LPIN2: variants seen among roughly 807,000 people sequenced by gnomAD.
The protein encoded by LPIN2 is phosphatidate phosphatase LPIN2.
LPIN2 carries 55 observed loss-of-function variants against 111.4 expected under a neutral mutation model. That is an observed-to-expected ratio of 0.49 (90% CI 0.40 to 0.62). The LOEUF is 0.62. Among genes scored for constraint, LPIN2 ranks in the 20% least tolerant of loss-of-function variants. LPIN2 has a pLI of 0.00. For synonymous variants in LPIN2, 425 were observed against 414.0 expected, an observed-to-expected ratio of 1.03 and a Z score of -0.32; for missense variants, 992 against 1,112.1, an observed-to-expected ratio of 0.89 and a Z score of 1.54.
intron 7 of LPIN2, 65 bp downstream of exon 7, chr18:2,937,627 G>A: frequency 2.3e-6 from 3 of 1,326,298 alleles, no homozygotes; most frequent in Non-Finnish European, 3.2e-6. Context: ...CACGTTATGT[G>A]GAACACTGAA....
At chr18:2,969,231 T>C (rs2077863149) in intron 1 of LPIN2, among the ~76,000 whole-genome samples, 1 of 152,242 alleles carries the variant, frequency 6.6e-6, no homozygotes, top group African/African-American at 2.4e-5. Context: ...AAGTAAGAGC[T>C]CTTGCTACTT....
At chr18:2,978,537 A>G (rs11665524) in intron 1 of LPIN2, among the ~76,000 whole-genome samples, 18,366 of 152,304 alleles carry the variant, frequency 0.12, 1,272 homozygotes, top group South Asian at 0.17. Context: ...GGTCATGAGA[A>G]GCAAAGACTA....
At chr18:2,967,901 A>G (rs1267932871) in intron 1 of LPIN2, among the ~76,000 whole-genome samples, 1 of 152,154 alleles carries the variant, frequency 6.6e-6, no homozygotes, top group Non-Finnish European at 1.5e-5. Context: ...AATAGAAAAT[A>G]GCAGCCGCAC....
At chr18:2,945,894 A>G in intron 4 of LPIN2, 2 of 1,429,234 alleles carry the variant, frequency 1.4e-6, no homozygotes, top group Non-Finnish European at 2.0e-6. Context: ...TTTAGTCCAC[A>G]TGTTTCTCTT....
At chr18:2,982,888 T>A in intron 1 of LPIN2, 1 of 352,228 alleles carries the variant, frequency 2.8e-6, no homozygotes, top group South Asian at 2.3e-5. Context: ...TGGCTAAAAC[T>A]GAAAGGAAAT....
chr18:3,012,814 G>A (rs2078629503), intron 1 of LPIN2, among the ~76,000 whole-genome samples: 1 of 151,788 alleles, frequency 6.6e-6, no homozygotes, highest in African/African-American at 2.4e-5. Flanking sequence ...CGACGCCCCC[G>A]GCTCCCCGCG....
intron 4 of LPIN2, among the ~76,000 whole-genome samples, chr18:2,942,318 A>G (rs1487110726): frequency 1.3e-5 from 2 of 152,216 alleles, no homozygotes; most frequent in South Asian, 2.1e-4. Context: ...CAATAAAGGA[A>G]TATCAAAAGG....
chr18:2,930,806 A>T (rs191248469), intron 9 of LPIN2, among the ~76,000 whole-genome samples: 2 of 152,232 alleles, frequency 1.3e-5, no homozygotes, highest in Admixed American at 1.3e-4. Flanking sequence ...TAATCCTCCT[A>T]ATTTTTGCCA....
intron 14 of LPIN2, among the ~76,000 whole-genome samples, 198 bp from the exon 15 acceptor site, chr18:2,924,744 C>T (rs2077105325): frequency 6.6e-6 from 1 of 152,122 alleles, no homozygotes. Flanking sequence ...TTTTGGGGTT[C>T]CAGGGACTTC....
rs1412750677 is a variant in LPIN2, at chr18:2,946,698, G to GA, written c.590+4356dup. 4.9e-6 allele frequency: 3 copies of GA among 610,850 alleles called. No homozygotes were observed. The African/African-American group carries it at 5.6e-5, about 11-fold the overall frequency. 37.8% of individuals were successfully genotyped at this position (610,850 alleles called of 1,614,324 possible). On this transcript the variant is annotated intron_variant, in intron 4 of 19. Coordinates refer to ENST00000677752, the MANE Select transcript of LPIN2 (RefSeq NM_001375808.2). ...TAAATAGCCTGAATTATTTATGTGG[G>GA]ATAAATTATAGGTGCAACATGAATT...
chr18:2,967,312 T>C (rs571756046), intron 1 of LPIN2, among the ~76,000 whole-genome samples: 1 of 152,264 alleles, frequency 6.6e-6, no homozygotes, highest in East Asian at 1.9e-4. Context: ...ATCTGAGGGC[T>C]GAACTCAGGT....
At chr18:2,979,124 G>A (rs555991229) in intron 1 of LPIN2, 1 of 152,436 alleles carries the variant, frequency 6.6e-6, no homozygotes, top group South Asian at 2.1e-4. Flanking sequence ...TTACAGGTGT[G>A]AGCCACCATG....
intron 1 of LPIN2, among the ~76,000 whole-genome samples, chr18:2,963,646 AAGACAGAATATTT>A (rs752752071): frequency 1.1e-4 from 17 of 152,014 alleles, no homozygotes; most frequent in Non-Finnish European, 2.1e-4. Context: ...AGCAAAAGCA[AAGACAGAATATTT>A]AACCAGAAAG....
At chr18:2,935,155 G>A (rs140863391) in intron 7 of LPIN2, among the ~76,000 whole-genome samples, 3 of 152,110 alleles carry the variant, frequency 2.0e-5, no homozygotes, top group South Asian at 4.1e-4. Flanking sequence ...TTAAAAATGC[G>A]TAAAACACAC....
In LPIN2 at chr18:2,920,077, AG is replaced by A. The variant is rs1367838154; in HGVS notation, c.*215del. On this transcript the variant is annotated 3_prime_UTR_variant, in exon 20 of 20. Coordinates refer to ENST00000677752, the MANE Select transcript of LPIN2 (RefSeq NM_001375808.2). ...GGAGGGATCCCAGGCCTCCAGCCCC[AG>A]GCCCAGTTCCTCCCTTCTCCTTCCA... 1 of 619,086 alleles carries A rather than the reference AG, an allele frequency of 1.6e-6. No individual in the cohort carries two copies. Among genetic ancestry groups the A allele is most frequent in the Non-Finnish European group, 2.8e-6 (1 of 352,078 alleles). The allele number at this position is 619,086 out of a possible 1,614,324, so 38.3% of individuals were successfully genotyped here. A position where few individuals can be genotyped will look rare whatever the true frequency, so the allele number is the denominator to read the frequency against.
At chr18:2,970,397 G>A (rs546049864) in intron 1 of LPIN2, among the ~76,000 whole-genome samples, 16 of 152,350 alleles carry the variant, frequency 1.1e-4, no homozygotes, top group Admixed American at 3.3e-4. Context: ...CGTATATGGA[G>A]AGCCAAGGCC....
intron 1 of LPIN2, among the ~76,000 whole-genome samples, chr18:2,974,254 T>A (rs984257423): frequency 2.6e-5 from 4 of 151,992 alleles, no homozygotes; most frequent in African/African-American, 9.7e-5. Context: ...TTTTTTTGTA[T>A]TTTTTAGTAG....
chr18:2,982,899 G>A, intron 1 of LPIN2: 1 of 340,880 alleles, frequency 2.9e-6, no homozygotes, highest in South Asian at 2.4e-5. Flanking sequence ...GAAAGGAAAT[G>A]GTTCTTAAAA....
intron 4 of LPIN2, among the ~76,000 whole-genome samples, chr18:2,943,194 G>GC (rs2077390075): frequency 9.5e-6 from 1 of 105,756 alleles, no homozygotes; most frequent in Admixed American, 9.5e-5. Context: ...TTATACCTCA[G>GC]TTTTTTTTCT....
Sources: allele counts gnomAD v4.1 joint callset (sites outside exome capture counted in the v4.1 genomes callset), GRCh38; gene constraint gnomAD v4.1.1; transcripts MANE v1.5; gene names NCBI Gene and HGNC (gene_info 2026-07-23, HGNC 2026-07-21).